CSMD1: variants seen among roughly 807,000 people sequenced by gnomAD.
CSMD1 encodes CUB and sushi domain-containing protein 1.
In CSMD1, 213 loss-of-function variants were observed where a neutral mutation model predicts 417.5. The observed-to-expected ratio is 0.51, with a 90% CI of 0.46 to 0.57. CSMD1 has a LOEUF of 0.57. CSMD1 is among the 20% of genes least tolerant of loss of function. CSMD1 has a pLI of 0.00. For synonymous variants in CSMD1, 2,862 were observed against 1,736.8 expected, an observed-to-expected ratio of 1.65 and a Z score of -16.11; for missense variants, 6,923 against 4,529.7, an observed-to-expected ratio of 1.53 and a Z score of -15.17.
intron 1 of CSMD1, among the ~76,000 whole-genome samples, chr8:4,730,268 G>T (rs1231684244): frequency 6.6e-6 from 1 of 151,984 alleles, no homozygotes; most frequent in African/African-American, 2.4e-5. Context: ...TATGTTCAGG[G>T]AACTCAGAAC....
intron 10 of CSMD1, among the ~76,000 whole-genome samples, chr8:3,556,627 C>T (rs979823654): frequency 1.3e-5 from 2 of 151,316 alleles, no homozygotes; most frequent in African/African-American, 4.9e-5. Context: ...AAAACATTGT[C>T]GTGGGGGCTG....
At chr8:4,261,643 C>G (rs1245773080) in intron 3 of CSMD1, among the ~76,000 whole-genome samples, 1 of 152,098 alleles carries the variant, frequency 6.6e-6, no homozygotes, top group African/African-American at 2.4e-5. Flanking sequence ...CTCCTAGGCT[C>G]AGGCAATCCT....
intron 26 of CSMD1, among the ~76,000 whole-genome samples, chr8:3,256,085 TGGG>T (rs555398215): frequency 6.6e-6 from 1 of 151,980 alleles, no homozygotes; most frequent in Non-Finnish European, 1.5e-5. Context: ...CCCAGGACTT[TGGG>T]GGGCTGAGGC....
chr8:4,407,426 A>G (rs1805108904), intron 3 of CSMD1, among the ~76,000 whole-genome samples: 1 of 152,238 alleles, frequency 6.6e-6, no homozygotes, highest in Non-Finnish European at 1.5e-5. Flanking sequence ...AAATTCAAAC[A>G]ATTGAATTAA....
chr8:4,011,302 G>A (rs964852451), intron 4 of CSMD1, among the ~76,000 whole-genome samples: 6 of 152,052 alleles, frequency 3.9e-5, no homozygotes, highest in South Asian at 2.1e-4. Flanking sequence ...GTGGAGAATT[G>A]CTCTCTGCAT....
At chr8:4,941,064 CAG>C (rs1563822697) in intron 1 of CSMD1, among the ~76,000 whole-genome samples, 1 of 152,160 alleles carries the variant, frequency 6.6e-6, no homozygotes, top group East Asian at 1.9e-4. Context: ...TGTAATCTGA[CAG>C]ATAAACCATC....
intron 10 of CSMD1, among the ~76,000 whole-genome samples, chr8:3,498,319 A>C (rs1796452280): frequency 6.6e-6 from 1 of 152,232 alleles, no homozygotes; most frequent in African/African-American, 2.4e-5. Context: ...ACTTTGATAC[A>C]TGTATACAAA....
intron 3 of CSMD1, among the ~76,000 whole-genome samples, chr8:4,033,793 C>A (rs2130589578): frequency 6.6e-6 from 1 of 152,256 alleles, no homozygotes; most frequent in Middle Eastern, 3.4e-3. Context: ...TGATATGATT[C>A]TCTATCTAAA....
At chr8:4,226,504 A>C (rs1801366258) in intron 3 of CSMD1, among the ~76,000 whole-genome samples, 1 of 152,164 alleles carries the variant, frequency 6.6e-6, no homozygotes, top group Admixed American at 6.5e-5. Flanking sequence ...CAGTAACAGA[A>C]CCTATAATGA....
At position 4,940,843 on chromosome 8, in the gene CSMD1, G is replaced by A. The variant is rs1807947040; in HGVS notation, c.85+53489C>T. 2.6e-5 allele frequency among the ~76,000 whole-genome samples: 4 copies of A among 152,240 alleles called. No individual in the cohort carries two copies. The South Asian group carries it at 8.3e-4, about 32-fold the overall frequency. On this transcript the variant is annotated intron_variant, in intron 1 of 69. Transcript: ENST00000635120. ...CAGCTTGTACCATGTGTCAGGTAAGGCTTAGAGGTCATGGTTAAAAATTGT... is the reference window on the plus strand; with the variant it reads ...CAGCTTGTACCATGTGTCAGGTAAGACTTAGAGGTCATGGTTAAAAATTGT...
intron 1 of CSMD1, among the ~76,000 whole-genome samples, chr8:4,812,757 C>T (rs1561357): frequency 0.049 from 7,478 of 152,150 alleles, 350 homozygotes; most frequent in East Asian, 0.24. Flanking sequence ...CTGGAAAAGA[C>T]CTTGAGTTTG....
At chr8:2,992,359 C>T (rs1046139466) in intron 54 of CSMD1, among the ~76,000 whole-genome samples, 10 of 151,914 alleles carry the variant, frequency 6.6e-5, no homozygotes, top group African/African-American at 1.5e-4. Flanking sequence ...ATGGTCATGG[C>T]GAAAGCGCCC....
rs1045282732 is a variant in CSMD1 at position 2,937,664 on chromosome 8, T to G, written c.*921A>C. ...TGTGAAATAAGGAGGCTTCTGTTTT[T>G]TTCTCATTGGACCTCTTCAATGAAT... On this transcript the variant is annotated 3_prime_UTR_variant, in exon 70 of 70. Transcript: ENST00000635120. 2.0e-5 allele frequency: 3 copies of G among 152,194 alleles called. No homozygotes were observed. The highest frequency in any genetic ancestry group is 7.2e-5 in the African/African-American group (3 of 41,446). 9.4% of individuals were successfully genotyped at this position (152,194 alleles called of 1,614,324 possible).
chr8:3,765,851 G>A (rs947280318), intron 5 of CSMD1, among the ~76,000 whole-genome samples: 3 of 152,328 alleles, frequency 2.0e-5, no homozygotes, highest in Middle Eastern at 6.8e-3. Flanking sequence ...ATTGAGGAAG[G>A]AGAAAGAGGA....
chr8:4,084,208 GTTAGTT>G (rs909904281), intron 3 of CSMD1, among the ~76,000 whole-genome samples: 2 of 151,588 alleles, frequency 1.3e-5, no homozygotes, highest in African/African-American at 4.8e-5. Context: ...TGATTTTTCA[GTTAGTT>G]TTACTCTGTA....
At chr8:3,187,075 A>T (rs1041651612) in intron 36 of CSMD1, among the ~76,000 whole-genome samples, 1 of 152,220 alleles carries the variant, frequency 6.6e-6, no homozygotes, top group Non-Finnish European at 1.5e-5. Flanking sequence ...CATTCATGTT[A>T]ACAGAAGTTC....
chr8:4,071,082 C>T (rs1403014079), intron 3 of CSMD1, among the ~76,000 whole-genome samples: 3 of 152,024 alleles, frequency 2.0e-5, no homozygotes, highest in African/African-American at 7.2e-5. Context: ...GGTTTCTTTG[C>T]AGTTATCTTT....
At chr8:4,051,968 C>G (rs1798455500) in intron 3 of CSMD1, among the ~76,000 whole-genome samples, 1 of 151,022 alleles carries the variant, frequency 6.6e-6, no homozygotes, top group African/African-American at 2.4e-5. Flanking sequence ...TCTTGTTGCC[C>G]AGGCTGGAGT....
chr8:3,799,481 G>A (rs748634161), intron 5 of CSMD1, among the ~76,000 whole-genome samples: 1 of 141,612 alleles, frequency 7.1e-6, no homozygotes, highest in African/African-American at 2.7e-5. Flanking sequence ...CCACCTATAA[G>A]TGAGACATGG....
Sources: allele counts gnomAD v4.1 joint callset (sites outside exome capture counted in the v4.1 genomes callset), GRCh38; gene constraint gnomAD v4.1.1; transcripts MANE v1.5; gene names NCBI Gene and HGNC (gene_info 2026-07-23, HGNC 2026-07-21).